Variants in SRGAP3 observed in about 807,000 individuals in gnomAD.
SRGAP3 encodes SLIT-ROBO Rho GTPase-activating protein 3.
SRGAP3 carries 39 observed loss-of-function variants against 121.1 expected under a neutral mutation model. The observed-to-expected ratio is 0.32, with a 90% CI of 0.25 to 0.42. The LOEUF is 0.42. Among genes scored for constraint, SRGAP3 ranks in the 10% least tolerant of loss-of-function variants. The probability of loss-of-function intolerance (pLI) is 1.00; values close to 1 mark genes in which losing one functional copy is unlikely to be tolerated. For synonymous variants in SRGAP3, 601 were observed against 570.0 expected, an observed-to-expected ratio of 1.05 and a Z score of -0.77; for missense variants, 1,213 against 1,470.6, an observed-to-expected ratio of 0.82 and a Z score of 2.86.
chr3:9,146,795 C>T (rs1030353459), intron 1 of SRGAP3, among the ~76,000 whole-genome samples: 17 of 152,178 alleles, frequency 1.1e-4, no homozygotes, highest in South Asian at 6.2e-4. Context: ...CCCTGCAGGG[C>T]GCGAGGACGA....
rs570843957 is a variant in SRGAP3, at chr3:9,094,836, G to A, written c.423+9844C>T. On this transcript the variant is annotated intron_variant, in intron 3 of 21. Coordinates refer to ENST00000383836, the MANE Select transcript of SRGAP3 (RefSeq NM_014850.4). Reference sequence around the variant, plus strand: ...AGTAGTGTAATCATAGCTCACTGCAGCCTCAACCTCCTGGGCTCAGGAGAT... The same window carrying A: ...AGTAGTGTAATCATAGCTCACTGCAACCTCAACCTCCTGGGCTCAGGAGAT... 3.9e-5 allele frequency among the ~76,000 whole-genome samples: 6 copies of A among 152,098 alleles called. No individual in the cohort carries two copies. In the South Asian group the frequency reaches 1.0e-3, roughly 26 times the overall value.
At chr3:9,180,997 C>A (rs562507891) in intron 1 of SRGAP3, among the ~76,000 whole-genome samples, 1 of 152,164 alleles carries the variant, frequency 6.6e-6, no homozygotes, top group Non-Finnish European at 1.5e-5. Context: ...CGGAGGCAGC[C>A]GGGGGCAGTG....
chr3:9,341,681 T>C (rs1426221512), intron 1 of SRGAP3, among the ~76,000 whole-genome samples: 1 of 152,114 alleles, frequency 6.6e-6, no homozygotes, highest in Admixed American at 6.5e-5. Context: ...GTTTGCGTTA[T>C]AGAGATGGGG....
rs965727476 is a variant in SRGAP3 at position 9,081,002 on chromosome 3, C to A, written c.424-915G>T. 4.2e-4 allele frequency among the ~76,000 whole-genome samples: 64 copies of A among 152,160 alleles called. 1 individual carries two copies. Among genetic ancestry groups the A allele is most frequent in the Admixed American group, 4.1e-3 (63 of 15,274 alleles). Reference sequence around the variant, plus strand: ...CAATCATCCCGAAACCATCGCCCCACCCTGGTCCATGGAAAAATTGTCTTC... The same window carrying A: ...CAATCATCCCGAAACCATCGCCCCAACCTGGTCCATGGAAAAATTGTCTTC... On this transcript the variant is annotated intron_variant, in intron 3 of 21. Coordinates refer to ENST00000383836, the MANE Select transcript of SRGAP3 (RefSeq NM_014850.4).
chr3:8,994,758 G>A (rs1322237711), intron 18 of SRGAP3, among the ~76,000 whole-genome samples: 1 of 152,192 alleles, frequency 6.6e-6, no homozygotes, highest in Non-Finnish European at 1.5e-5. Context: ...AGAGGGAGCT[G>A]ATACATGCTC....
At chr3:9,169,296 C>T (rs1048533266) in intron 1 of SRGAP3, among the ~76,000 whole-genome samples, 2 of 152,134 alleles carry the variant, frequency 1.3e-5, no homozygotes, top group Non-Finnish European at 2.9e-5. Context: ...TAGCCCCTGC[C>T]CTTGTGGAGT....
At chr3:9,043,196 C>T (rs1028165980) in intron 10 of SRGAP3, among the ~76,000 whole-genome samples, 2 of 152,188 alleles carry the variant, frequency 1.3e-5, no homozygotes, top group African/African-American at 4.8e-5. Context: ...CTCTGTCGCC[C>T]AGGCTGGAAA....
chr3:9,360,687 T>C (rs2030751422), intron 1 of SRGAP3, among the ~76,000 whole-genome samples: 1 of 152,152 alleles, frequency 6.6e-6, no homozygotes, highest in South Asian at 2.1e-4. Context: ...GAAGCGGAAG[T>C]GGAAACCTCT....
At chr3:9,251,006 C>T (rs1461812034), upstream of SRGAP3, among the ~76,000 whole-genome samples, 1 of 152,208 alleles carries the variant, frequency 6.6e-6, no homozygotes, top group African/African-American at 2.4e-5. Flanking sequence ...TATAGTCTTC[C>T]ATTTGCCTTT....
chr3:9,043,163 GT>G (rs1435641456), intron 10 of SRGAP3, among the ~76,000 whole-genome samples: 1 of 152,102 alleles, frequency 6.6e-6, no homozygotes, highest in Non-Finnish European at 1.5e-5. Context: ...ACCCCCAGCT[GT>G]TTTTTAAGAG....
intron 1 of SRGAP3, among the ~76,000 whole-genome samples, chr3:9,130,237 A>G (rs1489640073): frequency 6.6e-6 from 1 of 152,156 alleles, no homozygotes; most frequent in African/African-American, 2.4e-5. Context: ...ACATACATAC[A>G]TTCAACGTGG....
At chr3:9,178,643 C>A (rs910520979) in intron 1 of SRGAP3, among the ~76,000 whole-genome samples, 2 of 152,136 alleles carry the variant, frequency 1.3e-5, no homozygotes, top group Admixed American at 6.5e-5. Flanking sequence ...AGCACCTGGG[C>A]CTGTAGACTC....
intron 1 of SRGAP3, among the ~76,000 whole-genome samples, chr3:9,333,506 G>A (rs190175868): frequency 5.3e-5 from 8 of 151,674 alleles, no homozygotes; most frequent in South Asian, 2.1e-4. Context: ...ACCTTACTCC[G>A]CTCCTTTCTG....
chr3:9,202,676 C>T (rs1292254498), intron 1 of SRGAP3, among the ~76,000 whole-genome samples: 1 of 152,244 alleles, frequency 6.6e-6, no homozygotes, highest in Non-Finnish European at 1.5e-5. Flanking sequence ...CCTCTGTCCA[C>T]TCTGTGGGAA....
At chr3:9,188,669 C>A (rs3856906) in intron 1 of SRGAP3, among the ~76,000 whole-genome samples, 1 of 152,218 alleles carries the variant, frequency 6.6e-6, no homozygotes, top group African/African-American at 2.4e-5. Context: ...AAGCATATTG[C>A]CTCTCTTTGG....
chr3:9,248,455 A>G (rs1953903111), intron 1 of SRGAP3, among the ~76,000 whole-genome samples: 2 of 152,134 alleles, frequency 1.3e-5, no homozygotes. Context: ...ACCACCACCA[A>G]CAGAAACCAA....
At chr3:9,044,385 AAG>A (rs1396701031) in intron 10 of SRGAP3, among the ~76,000 whole-genome samples, 4 of 152,224 alleles carry the variant, frequency 2.6e-5, no homozygotes, top group South Asian at 2.1e-4. Flanking sequence ...ATGCAGGACA[AAG>A]GGAGGAATCA....
chr3:9,235,243 T>C (rs1290680733), intron 1 of SRGAP3, among the ~76,000 whole-genome samples: 2 of 152,238 alleles, frequency 1.3e-5, no homozygotes, highest in Admixed American at 1.3e-4. Context: ...ATGATTATTT[T>C]CCTATCAGCT....
intron 3 of SRGAP3, among the ~76,000 whole-genome samples, chr3:9,271,503 G>A (rs1382259098): frequency 1.3e-5 from 2 of 152,138 alleles, no homozygotes; most frequent in Non-Finnish European, 2.9e-5. Flanking sequence ...ACCTCCCTGT[G>A]GATAATTCAG....
Sources: allele counts gnomAD v4.1 joint callset (sites outside exome capture counted in the v4.1 genomes callset), GRCh38; gene constraint gnomAD v4.1.1; transcripts MANE v1.5; gene names NCBI Gene and HGNC (gene_info 2026-07-23, HGNC 2026-07-21).